The following TIAM2 variants were observed in gnomAD, a reference collection of about 807,000 sequenced individuals.
TIAM2 encodes rho guanine nucleotide exchange factor TIAM2.
A neutral mutation model predicts 152.9 loss-of-function variants in TIAM2; 80 were observed. The observed-to-expected ratio is 0.52, with a 90% CI of 0.44 to 0.63. The LOEUF is 0.63. TIAM2 is among the 30% of genes least tolerant of loss of function. TIAM2 has a pLI of 0.00. For synonymous variants in TIAM2, 804 were observed against 838.0 expected, an observed-to-expected ratio of 0.96 and a Z score of 0.70; for missense variants, 1,965 against 2,120.1, an observed-to-expected ratio of 0.93 and a Z score of 1.44.
At chr6:155,074,708 T>A (rs141979634) in intron 1 of TIAM2, among the ~76,000 whole-genome samples, 2,334 of 152,276 alleles carry the variant, frequency 0.015, 29 homozygotes, top group Middle Eastern at 0.024. Context: ...CTTTTTCTTG[T>A]GTGTTTATTA....
Position 155,195,808 on chromosome 6 carries a change from G to C in TIAM2, c.3064+12308G>C, listed in dbSNP as rs143997342. ...GGCCACGTGGCCGTCAGGGGGCAAAGCCTTCTAGGCTGAGGGAACAATCAC... is the reference window on the plus strand; with the variant it reads ...GGCCACGTGGCCGTCAGGGGGCAAACCCTTCTAGGCTGAGGGAACAATCAC... On this transcript the variant is annotated intron_variant, in intron 14 of 26. Coordinates refer to ENST00000682666, the MANE Select transcript of TIAM2 (RefSeq NM_012454.4). Among the ~76,000 whole-genome samples the C allele has an allele frequency of 4.7e-3, 718 of 152,316 alleles. 5 individuals are homozygous for C. The highest frequency in any genetic ancestry group is 0.016 in the African/African-American group (682 of 41,572).
chr6:155,087,000 A>G (rs549052291), intron 1 of TIAM2, among the ~76,000 whole-genome samples: 36 of 152,358 alleles, frequency 2.4e-4, no homozygotes, highest in African/African-American at 8.4e-4. Context: ...TGAGTGAAAA[A>G]GAAATAATTG....
chr6:155,099,423 A>T (rs1778503165), intron 2 of TIAM2, among the ~76,000 whole-genome samples: 1 of 152,184 alleles, frequency 6.6e-6, no homozygotes, highest in Non-Finnish European at 1.5e-5. Flanking sequence ...ATTTTCTCAA[A>T]ATTGACTATT....
In TIAM2 at chr6:155,129,807, T is replaced by G; in HGVS notation, c.584T>G (p.Val195Gly). The G allele has an allele frequency of 6.2e-7, 1 of 1,613,718 alleles. No individual in the cohort carries two copies. The highest frequency in any genetic ancestry group is 2.2e-5 in the East Asian group (1 of 44,882). The change falls in exon 4 of 27, where the codon GTG becomes GGG. Residue 195 changes from valine (V) to glycine (G), a missense_variant. Physicochemically the swap from Val to Gly is moderately radical, Grantham distance 109. Around this residue, in one of 3 missense-constraint regions of TIAM2, gnomAD observed 1,025 missense variants for 1,119.4 expected, o/e 0.92. Transcript: ENST00000682666. This position sits in a 1 kb window ranked among gnomAD's most constrained non-coding sequence, Gnocchi z 4.8. ...KVPAEDCSEP[V>G]QLLRYSPTLA... ...CCTGCAGAGGACTGCAGTGAGCCGGTGCAGCTGCTGAGGTACTCACCTACC... is the reference window on the plus strand; with the variant it reads ...CCTGCAGAGGACTGCAGTGAGCCGGGGCAGCTGCTGAGGTACTCACCTACC...
At chr6:155,200,612 T>C (rs1278153749) in intron 14 of TIAM2, among the ~76,000 whole-genome samples, 3 of 152,128 alleles carry the variant, frequency 2.0e-5, no homozygotes, top group Non-Finnish European at 1.5e-5. Flanking sequence ...CCATCAGAAG[T>C]CACTCTTCAA....
intron 1 of TIAM2, among the ~76,000 whole-genome samples, chr6:155,070,312 C>T (rs1583176156): frequency 1.4e-5 from 2 of 139,758 alleles, no homozygotes; most frequent in East Asian, 4.4e-4. Flanking sequence ...CCTCTGCCTC[C>T]CGGGTTCAAA....
At chr6:155,195,803 G>A (rs1044747070) in intron 14 of TIAM2, among the ~76,000 whole-genome samples, 1 of 152,228 alleles carries the variant, frequency 6.6e-6, no homozygotes, top group Non-Finnish European at 1.5e-5. Context: ...CCGTCAGGGG[G>A]CAAAGCCTTC....
chr6:155,068,510 A>G (rs999304477), intron 1 of TIAM2, among the ~76,000 whole-genome samples: 1 of 150,342 alleles, frequency 6.7e-6, no homozygotes, highest in African/African-American at 2.4e-5. Context: ...ATCTTGTCCC[A>G]CTGCAACCTC....
chr6:155,037,004 T>C (rs1402049745), intron 1 of TIAM2, among the ~76,000 whole-genome samples: 1 of 152,216 alleles, frequency 6.6e-6, no homozygotes, highest in Non-Finnish European at 1.5e-5. Context: ...GGCACGGCTC[T>C]CTATAACTTT....
At chr6:155,054,434 A>G (rs1777394060) in intron 1 of TIAM2, among the ~76,000 whole-genome samples, 1 of 152,162 alleles carries the variant, frequency 6.6e-6, no homozygotes, top group Non-Finnish European at 1.5e-5. Context: ...ACAATCTCAG[A>G]TATAGAAATT....
chr6:155,191,149 C>T (rs1158234671), intron 14 of TIAM2, among the ~76,000 whole-genome samples: 4 of 152,140 alleles, frequency 2.6e-5, no homozygotes, highest in Admixed American at 1.3e-4. Context: ...ACAGCTAAGT[C>T]CCCCTAAGCT....
chr6:155,165,245 A>G lies in TIAM2; in HGVS notation c.2215-18A>G. 6.3e-7 allele frequency: 1 copy of G among 1,589,548 alleles called. No individual in the cohort carries two copies. Among genetic ancestry groups the G allele is most frequent in the South Asian group, 1.2e-5 (1 of 86,474 alleles). On this transcript the variant is annotated intron_variant, in intron 8 of 26. Transcript: ENST00000682666. ...ATACTAAGCCTTTAGATTTTTTTTA[A>G]ACTGTGTTTTACATTAGGTATGTTC...
chr6:155,104,608 T>C (rs1000626575), intron 2 of TIAM2, among the ~76,000 whole-genome samples: 1 of 151,886 alleles, frequency 6.6e-6, no homozygotes, highest in Non-Finnish European at 1.5e-5. Flanking sequence ...ATACAAAAAA[T>C]TAGCTGGGCG....
chr6:155,246,327 T>C (rs763343145), intron 19 of TIAM2, among the ~76,000 whole-genome samples: 2 of 152,116 alleles, frequency 1.3e-5, no homozygotes, highest in Non-Finnish European at 2.9e-5. Flanking sequence ...CAGAACGTCA[T>C]GATATCCCAG....
intron 1 of TIAM2, among the ~76,000 whole-genome samples, chr6:155,051,551 A>T (rs1777318521): frequency 1.3e-5 from 2 of 152,208 alleles, no homozygotes; most frequent in South Asian, 4.1e-4. Flanking sequence ...ACCTGGTTCC[A>T]AAACCTTCAT....
chr6:155,060,923 C>A (rs1345024318), intron 1 of TIAM2, among the ~76,000 whole-genome samples: 2 of 152,088 alleles, frequency 1.3e-5, no homozygotes, highest in African/African-American at 2.4e-5. Flanking sequence ...AACAAAATCC[C>A]ACAAAAGCAC....
intron 1 of TIAM2, among the ~76,000 whole-genome samples, chr6:155,086,477 C>A (rs565971723): frequency 6.6e-6 from 1 of 152,144 alleles, no homozygotes; most frequent in Non-Finnish European, 1.5e-5. Context: ...AAGGCTGAGG[C>A]GGGTGGATCA....
intron 1 of TIAM2, among the ~76,000 whole-genome samples, chr6:154,998,843 C>T (rs539785230): frequency 5.9e-5 from 9 of 152,132 alleles, no homozygotes; most frequent in Non-Finnish European, 1.3e-4. Flanking sequence ...ACTTCATATT[C>T]AAGTACCTAT....
intron 1 of TIAM2, among the ~76,000 whole-genome samples, chr6:155,045,566 G>A (rs1777156587): frequency 1.3e-5 from 2 of 152,054 alleles, no homozygotes; most frequent in South Asian, 2.1e-4. Context: ...AATAAGTTGT[G>A]ATTTTAGGTG....
Sources: allele counts gnomAD v4.1 joint callset (sites outside exome capture counted in the v4.1 genomes callset), GRCh38; gene constraint gnomAD v4.1.1; regional missense constraint gnomAD v4.1.1; non-coding constraint Gnocchi (gnomAD v3.1); transcripts MANE v1.5; gene names NCBI Gene and HGNC (gene_info 2026-07-23, HGNC 2026-07-21).